RARB: variants seen among roughly 807,000 people sequenced by gnomAD.
RARB encodes HBV-activated protein.
Under a neutral mutation model 51.9 loss-of-function variants are expected in RARB, and 17 were observed. The observed-to-expected ratio is 0.33, with a 90% CI of 0.22 to 0.49. The LOEUF (loss-of-function observed/expected upper bound fraction) is 0.49. Ranked by LOEUF, RARB falls within the 20% of genes least tolerant of loss-of-function variation. The probability of loss-of-function intolerance (pLI) is 0.99; values close to 1 mark genes in which losing one functional copy is unlikely to be tolerated. For synonymous variants in RARB, 215 were observed against 195.4 expected (o/e 1.10, Z -0.84); for missense variants, 369 against 550.8 (o/e 0.67, Z 3.30).
At chr3:25,278,088 T>G (rs1047299519) in intron 5 of RARB, among the ~76,000 whole-genome samples, 8 of 152,310 alleles carry the variant, frequency 5.3e-5, no homozygotes, top group African/African-American at 1.9e-4. Flanking sequence ...TATTTTTTTG[T>G]CATACTGAGA....
At chr3:25,172,967 C>G (rs368004749) in intron 4 of RARB, among the ~76,000 whole-genome samples, 7 of 152,194 alleles carry the variant, frequency 4.6e-5, no homozygotes, top group Admixed American at 1.3e-4. Context: ...GACACACTGG[C>G]TCTAGAATCA....
chr3:25,002,756 G>GTA (rs756506366), intron 2 of RARB, among the ~76,000 whole-genome samples: 28 of 151,022 alleles, frequency 1.9e-4, no homozygotes, highest in African/African-American at 5.8e-4. Context: ...TTCTGTGTGT[G>GTA]TGTGTATATA....
chr3:25,416,786 G>A (rs927229633), intron 5 of RARB, among the ~76,000 whole-genome samples: 10 of 152,284 alleles, frequency 6.6e-5, no homozygotes, highest in Non-Finnish European at 1.2e-4. Flanking sequence ...GCCTTACTCA[G>A]TTCTTTCAGA....
At chr3:24,960,757 T>C (rs1696121333) in intron 2 of RARB, among the ~76,000 whole-genome samples, 1 of 105,850 alleles carries the variant, frequency 9.4e-6, no homozygotes, top group Non-Finnish European at 1.9e-5. Context: ...ATTGAGCCTT[T>C]GGATTTTTTT....
intron 3 of RARB, among the ~76,000 whole-genome samples, chr3:25,509,663 T>C (rs1246403521): frequency 6.6e-6 from 1 of 152,102 alleles, no homozygotes; most frequent in Non-Finnish European, 1.5e-5. Context: ...TGGGAGAGTA[T>C]CCTGGTATCC....
intron 2 of RARB, among the ~76,000 whole-genome samples, chr3:25,042,492 T>C (rs1698133115): frequency 6.6e-6 from 1 of 152,202 alleles, no homozygotes; most frequent in South Asian, 2.1e-4. Context: ...TGACTTTCTC[T>C]TCAGCCATCT....
chr3:25,551,879 T>C (rs780648894), intron 3 of RARB, among the ~76,000 whole-genome samples: 9 of 152,196 alleles, frequency 5.9e-5, no homozygotes, highest in Non-Finnish European at 1.2e-4. Context: ...ATCTGGAAGT[T>C]AGCAATAGTT....
chr3:25,417,759 T>C (rs1481658218), intron 5 of RARB, among the ~76,000 whole-genome samples: 2 of 152,230 alleles, frequency 1.3e-5, no homozygotes, highest in African/African-American at 4.8e-5. Context: ...TTCTTTTAAA[T>C]TTTAAACAAA....
intron 4 of RARB, among the ~76,000 whole-genome samples, chr3:25,150,195 T>C (rs1178323877): frequency 1.0e-5 from 1 of 98,174 alleles, no homozygotes; most frequent in Admixed American, 1.2e-4. Context: ...AGCAAGGCTC[T>C]GTCTCAAAAA....
At chr3:25,577,323 G>A (rs1730223) in intron 4 of RARB, among the ~76,000 whole-genome samples, 57,617 of 152,016 alleles carry the variant, frequency 0.38, 11,139 homozygotes, top group African/African-American at 0.44. Flanking sequence ...AAAGAGAGTC[G>A]GTGATCGTTA....
chr3:25,589,008 A>G (rs982431971), intron 5 of RARB, among the ~76,000 whole-genome samples: 5 of 152,236 alleles, frequency 3.3e-5, no homozygotes, highest in African/African-American at 1.2e-4. Context: ...CCACCCCTTA[A>G]AGGGAGTAGG....
At chr3:24,917,957 G>A (rs1033663183) in intron 2 of RARB, among the ~76,000 whole-genome samples, 2 of 152,226 alleles carry the variant, frequency 1.3e-5, no homozygotes, top group Admixed American at 6.5e-5. Flanking sequence ...TGATGGAAAT[G>A]CAAAGTGGTA....
At chr3:25,081,623 T>TATATA (rs1559459573) in intron 3 of RARB, among the ~76,000 whole-genome samples, 4 of 23,400 alleles carry the variant, frequency 1.7e-4, no homozygotes, top group Non-Finnish European at 2.8e-4. Flanking sequence ...ATATATATAT[T>TATATA]TTTTTTTTTT....
chr3:25,597,798 C>CAA lies in RARB; in HGVS notation c.*1183_*1184dup. The CAA allele has an allele frequency of 6.6e-6, 1 of 151,846 alleles. No individual in the cohort carries two copies. Among genetic ancestry groups the CAA allele is most frequent in the East Asian group, 1.9e-4 (1 of 5,180 alleles). 9.4% of individuals were successfully genotyped at this position (151,846 alleles called of 1,614,324 possible). A position where few individuals can be genotyped will look rare whatever the true frequency, so the allele number is the denominator to read the frequency against. ...GAATTTTTTTTTTTTGATATATTAG[C>CAA]AAGTCTGTGATGTACTTTCACTGGC... is the stretch of plus-strand genomic sequence containing the variant. On this transcript the variant is annotated 3_prime_UTR_variant, in exon 8 of 8. Coordinates refer to ENST00000330688, the MANE Select transcript of RARB (RefSeq NM_000965.5).
At chr3:25,590,372 T>C (rs1701569010) in intron 5 of RARB, among the ~76,000 whole-genome samples, 1 of 152,256 alleles carries the variant, frequency 6.6e-6, no homozygotes, top group Non-Finnish European at 1.5e-5. Flanking sequence ...CTCTGGATTC[T>C]TTCATTTTTT....
intron 5 of RARB, chr3:25,259,130 A>C: frequency 2.3e-4 from 213 of 920,226 alleles, no homozygotes; most frequent in South Asian, 3.5e-4. Flanking sequence ...CACACCTCTC[A>C]AGAAACACTA....
chr3:24,988,225 C>A (rs1696835654), intron 2 of RARB, among the ~76,000 whole-genome samples: 1 of 152,130 alleles, frequency 6.6e-6, no homozygotes, highest in Non-Finnish European at 1.5e-5. Context: ...TACGAATATA[C>A]TTGTTGACCA....
rs1183370532 is a variant in RARB, at chr3:25,597,239, T to C, written c.*623T>C. ...CTCTTTCTGATGCTCTCAAACTGCA[T>C]CTTTTATTTCATGTTGCCCAGTAAA... On this transcript the variant is annotated 3_prime_UTR_variant, in exon 8 of 8. Transcript: ENST00000330688. 1 of 152,656 alleles carries C rather than the reference T, an allele frequency of 6.6e-6. No individual in the cohort carries two copies. Among genetic ancestry groups the C allele is most frequent in the Non-Finnish European group, 1.5e-5 (1 of 68,050 alleles). 9.5% of individuals were successfully genotyped at this position (152,656 alleles called of 1,614,324 possible). A position where few individuals can be genotyped will look rare whatever the true frequency, so the allele number is the denominator to read the frequency against.
At chr3:25,074,705 A>G (rs7618802) in intron 3 of RARB, among the ~76,000 whole-genome samples, 29,686 of 152,154 alleles carry the variant, frequency 0.2, 4,267 homozygotes, top group African/African-American at 0.4. Context: ...TGCATGCTGC[A>G]CTATCACACT....
Sources: gnomAD v4.1 joint callset for allele counts (sites outside exome capture counted in the v4.1 genomes callset) on GRCh38, gnomAD v4.1.1 for gene constraint, MANE v1.5 for transcripts, NCBI Gene and HGNC (gene_info 2026-07-23, HGNC 2026-07-21) for gene names.